The following TNFRSF13B variants were observed in gnomAD, a reference collection of about 807,000 sequenced individuals.
The protein encoded by TNFRSF13B is TNF receptor superfamily member 13B.
In TNFRSF13B, 34 loss-of-function variants were observed where a neutral mutation model predicts 24.0. The observed-to-expected ratio is 1.41, with a 90% confidence interval of 1.08 to 1.88. The LOEUF is 1.88. TNFRSF13B is among the 40% of genes most tolerant of loss of function. The pLI is 0.00. For synonymous variants in TNFRSF13B, 173 were observed against 150.3 expected, an observed-to-expected ratio of 1.15 and a Z score of -1.10; for missense variants, 415 against 380.8, an observed-to-expected ratio of 1.09 and a Z score of -0.75.
intron 3 of TNFRSF13B, among the ~76,000 whole-genome samples, chr17:16,944,706 C>A (rs938704634): frequency 2.0e-5 from 3 of 152,166 alleles, no homozygotes; most frequent in Admixed American, 1.3e-4. Context: ...TCTCCCCACT[C>A]CCCATGCACA....
At chr17:16,957,708 C>T (rs1277054146) in intron 1 of TNFRSF13B, among the ~76,000 whole-genome samples, 2 of 151,832 alleles carry the variant, frequency 1.3e-5, no homozygotes, top group African/African-American at 4.9e-5. Context: ...ATTTAAAGTC[C>T]TCAAAGAAAA....
rs2087569105 is a variant in TNFRSF13B, at chr17:16,948,931, C to G, written c.252G>C (p.Arg84Ser). ...AGATGGAGGCACAGCTGATGCAGTC[C>G]CTCAGGAGATGGTCATAGAACTTGC... ...EQGKFYDHLLRDCISCASICG... is the reference protein window; with the variant it reads ...EQGKFYDHLLSDCISCASICG... The change falls in exon 3 of 5, where the codon AGG becomes AGC. Residue 84 changes from arginine to serine, a missense_variant. Transcript: ENST00000261652. The G allele has an allele frequency of 1.9e-6, 3 of 1,614,164 alleles. No individual in the cohort carries two copies. The East Asian group carries it at 6.7e-5, about 36-fold the overall frequency.
intron 2 of TNFRSF13B, among the ~76,000 whole-genome samples, chr17:16,951,395 G>A (rs746758713): frequency 7.2e-5 from 11 of 152,184 alleles, no homozygotes; most frequent in Non-Finnish European, 1.3e-4. Context: ...TTCTATCAAG[G>A]AAAAGAACAG....
chr17:16,969,917 C>T (rs1250703092), intron 1 of TNFRSF13B, among the ~76,000 whole-genome samples: 2 of 152,156 alleles, frequency 1.3e-5, no homozygotes, highest in Non-Finnish European at 2.9e-5. Context: ...AGCCACCACC[C>T]GCCGCATATC....
intron 1 of TNFRSF13B, among the ~76,000 whole-genome samples, chr17:16,954,000 C>T (rs141546406): frequency 6.6e-6 from 1 of 152,304 alleles, no homozygotes; most frequent in African/African-American, 2.4e-5. Flanking sequence ...CTCCTGACCT[C>T]GTGATCCGCC....
At chr17:16,957,696 A>G (rs1237720523) in intron 1 of TNFRSF13B, among the ~76,000 whole-genome samples, 1 of 151,980 alleles carries the variant, frequency 6.6e-6, no homozygotes, top group Admixed American at 6.5e-5. Flanking sequence ...GTGAAATGAT[A>G]TATTTAAAGT....
At chr17:16,957,592 A>G (rs2087633871) in intron 1 of TNFRSF13B, among the ~76,000 whole-genome samples, 1 of 152,330 alleles carries the variant, frequency 6.6e-6, no homozygotes, top group African/African-American at 2.4e-5. Flanking sequence ...GAGAATTGTG[A>G]AAGCAGCAAG....
chr17:16,939,888 C>G, intron 4 of TNFRSF13B, 91 bp from the exon 5 acceptor site: 2 of 1,451,580 alleles, frequency 1.4e-6, no homozygotes, highest in African/African-American at 2.8e-5. Context: ...TCCCCCGACC[C>G]AGGAGCTAAG....
chr17:16,961,083 A>C (rs1222459664), intron 1 of TNFRSF13B, among the ~76,000 whole-genome samples: 6 of 152,224 alleles, frequency 3.9e-5, no homozygotes, highest in African/African-American at 1.4e-4. Context: ...GATGGCTATT[A>C]TTAAAAATGG....
chr17:16,957,553 C>G (rs1487508310), intron 1 of TNFRSF13B, among the ~76,000 whole-genome samples: 1 of 152,020 alleles, frequency 6.6e-6, no homozygotes, highest in Admixed American at 6.6e-5. Context: ...GGACATATTA[C>G]AATAAAATCA....
intron 4 of TNFRSF13B, chr17:16,940,016 C>T: frequency 1.0e-6 from 1 of 955,392 alleles, no homozygotes; most frequent in Non-Finnish European, 1.5e-6. Flanking sequence ...CTGTCCAGCA[C>T]CGAGCCTGCC....
At chr17:16,967,627 C>T (rs1337129878) in intron 1 of TNFRSF13B, among the ~76,000 whole-genome samples, 3 of 151,094 alleles carry the variant, frequency 2.0e-5, no homozygotes, top group African/African-American at 7.3e-5. Flanking sequence ...TGGTGGGTGC[C>T]TGTAGTCCCA....
intron 1 of TNFRSF13B, among the ~76,000 whole-genome samples, chr17:16,966,704 C>A (rs186756993): frequency 6.6e-6 from 1 of 151,752 alleles, no homozygotes; most frequent in Non-Finnish European, 1.5e-5. Flanking sequence ...ACCCACTGAC[C>A]CAGTGATTAA....
At chr17:16,967,999 G>T (rs2143689875) in intron 1 of TNFRSF13B, among the ~76,000 whole-genome samples, 1 of 151,194 alleles carries the variant, frequency 6.6e-6, no homozygotes, top group South Asian at 2.1e-4. Flanking sequence ...AAATTAGCCG[G>T]GTGTGGTGGC....
chr17:16,966,756 A>G (rs1051510815), intron 1 of TNFRSF13B, among the ~76,000 whole-genome samples: 2 of 145,312 alleles, frequency 1.4e-5, no homozygotes, highest in Non-Finnish European at 2.9e-5. Flanking sequence ...TAAATTTATT[A>G]CAGCAACATT....
intron 2 of TNFRSF13B, among the ~76,000 whole-genome samples, chr17:16,950,094 GAATA>G (rs928149019): frequency 3.9e-5 from 6 of 152,008 alleles, no homozygotes; most frequent in South Asian, 2.1e-4. Context: ...TCGTAAATAT[GAATA>G]AATAAATAAA....
chr17:16,954,594 C>T (rs2143666027), intron 1 of TNFRSF13B, among the ~76,000 whole-genome samples: 1 of 152,350 alleles, frequency 6.6e-6, no homozygotes, highest in East Asian at 1.9e-4. Context: ...GCCTGACTGC[C>T]TTTGAGAATC....
intron 2 of TNFRSF13B, among the ~76,000 whole-genome samples, chr17:16,951,813 G>T (rs572318995): frequency 6.6e-6 from 1 of 152,174 alleles, no homozygotes; most frequent in Admixed American, 6.5e-5. Context: ...ACTTGAACCC[G>T]GGCGGTGGAG....
At chr17:16,966,901 C>T (rs191535872) in intron 1 of TNFRSF13B, among the ~76,000 whole-genome samples, 62 of 125,766 alleles carry the variant, frequency 4.9e-4, no homozygotes, top group African/African-American at 1.5e-3. Context: ...TGCAGTGGTG[C>T]GATCTCGGCT....
Sources: gnomAD v4.1 joint callset for allele counts (sites outside exome capture counted in the v4.1 genomes callset) on GRCh38, gnomAD v4.1.1 for gene constraint, MANE v1.5 for transcripts, NCBI Gene and HGNC (gene_info 2026-07-23, HGNC 2026-07-21) for gene names.